Variants in STAG1 observed in about 807,000 individuals in gnomAD.
STAG1 encodes cohesin subunit SA-1.
Under a neutral mutation model 170.9 loss-of-function variants are expected in STAG1, and 26 were observed. The ratio of observed to expected loss-of-function variants is 0.15; its 90% CI spans 0.11 to 0.21. The LOEUF (loss-of-function observed/expected upper bound fraction) is 0.21, where lower values mean the gene tolerates loss of function less well. STAG1 is among the 10% of genes least tolerant of loss of function. The pLI is 1.00. For missense variants in STAG1, 964 were observed against 1,509.5 expected (o/e 0.64, Z 5.99); for synonymous variants, 514 against 497.7 (o/e 1.03, Z -0.44).
chr3:136,498,950 G>A (rs540928168), intron 9 of STAG1, among the ~76,000 whole-genome samples: 2 of 152,170 alleles, frequency 1.3e-5, no homozygotes, highest in South Asian at 2.1e-4. Context: ...TTGCCACTTG[G>A]TATACACAGG....
intron 3 of STAG1, among the ~76,000 whole-genome samples, chr3:136,608,797 CAAAAAAA>C (rs34993713): frequency 3.8e-5 from 3 of 79,190 alleles, no homozygotes; most frequent in Admixed American, 1.6e-4. Context: ...GACCCTATCT[CAAAAAAA>C]AAAAAAAAAA....
intron 9 of STAG1, among the ~76,000 whole-genome samples, chr3:136,478,938 GTAA>G (rs1559830062): frequency 6.6e-6 from 1 of 151,886 alleles, no homozygotes; most frequent in African/African-American, 2.4e-5. Flanking sequence ...TAAAATAGTG[GTAA>G]TAATACCACC....
At chr3:136,406,648 T>C (rs1286563420) in intron 21 of STAG1, among the ~76,000 whole-genome samples, 1 of 152,176 alleles carries the variant, frequency 6.6e-6, no homozygotes, top group Non-Finnish European at 1.5e-5. Context: ...TCCTCAGTGA[T>C]ATAAAGTAGC....
At chr3:136,416,274 G>A (rs982120878) in intron 21 of STAG1, among the ~76,000 whole-genome samples, 19 of 152,290 alleles carry the variant, frequency 1.2e-4, no homozygotes, top group African/African-American at 3.4e-4. Context: ...CCAAAGTGCT[G>A]GGATTACAGG....
At chr3:136,431,583 T>C (rs2088305751) in intron 16 of STAG1, among the ~76,000 whole-genome samples, 1 of 152,206 alleles carries the variant, frequency 6.6e-6, no homozygotes, top group East Asian at 1.9e-4. Flanking sequence ...GGACTTCTTT[T>C]AGCATTTCTG....
intron 12 of STAG1, among the ~76,000 whole-genome samples, chr3:136,471,432 GAA>G (rs1478128356): frequency 6.6e-6 from 1 of 150,940 alleles, no homozygotes; most frequent in African/African-American, 2.4e-5. Context: ...ACTAGATTTT[GAA>G]AAAAAAGACA....
chr3:136,543,255 T>C lies in STAG1; in HGVS notation c.395-1060A>G, dbSNP rs1935991946. 2.0e-5 allele frequency among the ~76,000 whole-genome samples: 3 copies of C among 151,988 alleles called. No homozygotes were observed. The South Asian group carries it at 6.2e-4, about 32-fold the overall frequency. ...TGAATATATTACCCAAACAAAATTATGAATAAATACATTTCAAATAAAAAA... is the reference window on the plus strand; with the variant it reads ...TGAATATATTACCCAAACAAAATTACGAATAAATACATTTCAAATAAAAAA... On this transcript the variant is annotated intron_variant, in intron 5 of 33. Transcript: ENST00000383202.
At chr3:136,727,665 G>C (rs1933764669) in intron 1 of STAG1, among the ~76,000 whole-genome samples, 1 of 152,114 alleles carries the variant, frequency 6.6e-6, no homozygotes. Context: ...AGGTGTAACA[G>C]GTTAGTTATT....
intron 1 of STAG1, among the ~76,000 whole-genome samples, chr3:136,702,173 G>T (rs1003824871): frequency 4.0e-5 from 1 of 24,772 alleles, no homozygotes; most frequent in East Asian, 3.0e-4. Flanking sequence ...ATGAGAATGT[G>T]GTGTGTGTGT....
chr3:136,432,462 ATTTTTGAATAATAC>A (rs1276481631), intron 16 of STAG1, among the ~76,000 whole-genome samples: 3 of 139,872 alleles, frequency 2.1e-5, no homozygotes, highest in Non-Finnish European at 1.5e-5. Context: ...GAAAGTAGAC[ATTTTTGAATAATAC>A]AGTAACTAAA....
chr3:136,512,653 T>G (rs975546251), intron 7 of STAG1, among the ~76,000 whole-genome samples: 5 of 152,076 alleles, frequency 3.3e-5, no homozygotes, highest in Non-Finnish European at 5.9e-5. Flanking sequence ...GCAGCCAAGC[T>G]TAAGTGGACT....
At chr3:136,579,778 T>TAA (rs1178786253) in intron 4 of STAG1, among the ~76,000 whole-genome samples, 1 of 152,152 alleles carries the variant, frequency 6.6e-6, no homozygotes, top group Non-Finnish European at 1.5e-5. Context: ...GCTTTAGATG[T>TAA]ACTCCCCGTT....
intron 21 of STAG1, among the ~76,000 whole-genome samples, chr3:136,400,531 TTTTC>T (rs763398466): frequency 7.9e-5 from 12 of 151,092 alleles, no homozygotes; most frequent in East Asian, 2.0e-4. Flanking sequence ...GCAACATAAA[TTTTC>T]TTTCTTTTTT....
intron 12 of STAG1, among the ~76,000 whole-genome samples, chr3:136,468,736 A>C (rs998178975): frequency 6.6e-6 from 1 of 152,226 alleles, no homozygotes; most frequent in African/African-American, 2.4e-5. Flanking sequence ...AAATATCCTC[A>C]ATAAAATACT....
In STAG1 at chr3:136,736,101, G is replaced by A. The variant is rs574059191; in HGVS notation, c.-84+16094C>T. Among the ~76,000 whole-genome samples, 3 of 152,286 alleles carry A rather than the reference G, an allele frequency of 2.0e-5. No individual in the cohort carries two copies. The East Asian group carries it at 5.8e-4, about 29-fold the overall frequency. ...GGGCTTCCTAAGGTGCCCCTTCCAG[G>A]CTTGTCTATGAAGTCACAGCAACAT... On this transcript the variant is annotated intron_variant, in intron 1 of 33. Coordinates refer to ENST00000383202, the MANE Select transcript of STAG1 (RefSeq NM_005862.3).
chr3:136,749,859 T>C (rs1935136431), intron 1 of STAG1, among the ~76,000 whole-genome samples: 1 of 151,660 alleles, frequency 6.6e-6, no homozygotes, highest in African/African-American at 2.4e-5. Context: ...TTCTGACCTA[T>C]GGAAGCTGAA....
rs10592920 is a variant in STAG1 at position 136,642,264 on chromosome 3, CTTTTTTTTTTTTTTTT to C, written c.-83-11299_-83-11284del. Among the ~76,000 whole-genome samples the C allele has an allele frequency of 1.3e-4, 11 of 84,948 alleles. No individual in the cohort carries two copies. In the East Asian group the frequency reaches 2.2e-3, roughly 17 times the overall value. 55.7% of individuals were successfully genotyped at this position (84,948 alleles called of 152,430 possible). A position where few individuals can be genotyped will look rare whatever the true frequency, so the allele number is the denominator to read the frequency against. On this transcript the variant is annotated intron_variant, in intron 1 of 33. Transcript: ENST00000383202. ...ACGTACTGTGTAACAGACAGAATTT[CTTTTTTTTTTTTTTTT>C]TTTTTTTTTTTGAGACATTCTTGCT...
At chr3:136,688,465 T>C (rs753643498) in intron 1 of STAG1, among the ~76,000 whole-genome samples, 1 of 152,064 alleles carries the variant, frequency 6.6e-6, no homozygotes, top group South Asian at 2.1e-4. Context: ...AGTGGCACAA[T>C]ACTGACTCAC....
At chr3:136,458,697 G>A (rs2089188307) in intron 13 of STAG1, among the ~76,000 whole-genome samples, 1 of 151,766 alleles carries the variant, frequency 6.6e-6, no homozygotes, top group Admixed American at 6.6e-5. Flanking sequence ...GAAGGTAAAT[G>A]GATTAAATTA....
Sources: allele counts gnomAD v4.1 joint callset (sites outside exome capture counted in the v4.1 genomes callset), GRCh38; gene constraint gnomAD v4.1.1; transcripts MANE v1.5; gene names NCBI Gene and HGNC (gene_info 2026-07-23, HGNC 2026-07-21).